ARID4B: variants seen among roughly 807,000 people sequenced by gnomAD.
ARID4B encodes AT-rich interactive domain-containing protein 4B.
Under a neutral mutation model 147.5 loss-of-function variants are expected in ARID4B, and 26 were observed. The ratio of observed to expected loss-of-function variants is 0.18; its 90% CI spans 0.13 to 0.24. The LOEUF is 0.24. Among genes scored for constraint, ARID4B ranks in the 10% least tolerant of loss-of-function variants. The probability of loss-of-function intolerance (pLI) is 1.00; values close to 1 mark genes in which losing one functional copy is unlikely to be tolerated. For synonymous variants in ARID4B, 512 were observed against 507.9 expected (o/e 1.01, Z -0.11); for missense variants, 1,179 against 1,511.5 (o/e 0.78, Z 3.65).
chr1:235,239,263 C>A (rs2103069435), intron 8 of ARID4B, among the ~76,000 whole-genome samples: 1 of 152,226 alleles, frequency 6.6e-6, no homozygotes, highest in South Asian at 2.1e-4. Flanking sequence ...TGAGCCACCA[C>A]ACCCCAGCCA....
At chr1:235,307,975 A>G (rs1673698159) in intron 2 of ARID4B, among the ~76,000 whole-genome samples, 1 of 151,924 alleles carries the variant, frequency 6.6e-6, no homozygotes, top group South Asian at 2.1e-4. Context: ...AATTACAGGC[A>G]CAAGCCACCT....
chr1:235,227,034 C>T (rs952729429), intron 11 of ARID4B, among the ~76,000 whole-genome samples: 3 of 152,106 alleles, frequency 2.0e-5, no homozygotes, highest in African/African-American at 4.8e-5. Flanking sequence ...GGTGATGGTT[C>T]ACAGGTTTCT....
chr1:235,212,005 C>A (rs369788483), intron 17 of ARID4B, among the ~76,000 whole-genome samples: 61 of 152,240 alleles, frequency 4.0e-4, no homozygotes, highest in African/African-American at 1.4e-3. Flanking sequence ...CACCCGTAAT[C>A]CCAGCACTTT....
At chr1:235,292,531 G>A (rs942598272) in intron 2 of ARID4B, among the ~76,000 whole-genome samples, 68 of 151,512 alleles carry the variant, frequency 4.5e-4, no homozygotes, top group African/African-American at 1.6e-3. Flanking sequence ...CAGGAGGAAC[G>A]CTTGAACCCG....
At chr1:235,301,420 T>A (rs1673130722) in intron 2 of ARID4B, among the ~76,000 whole-genome samples, 1 of 151,612 alleles carries the variant, frequency 6.6e-6, no homozygotes, top group East Asian at 2.0e-4. Flanking sequence ...ACACTTGTAG[T>A]CCTAATTACT....
At chr1:235,192,724 T>G (rs1485202035) in intron 19 of ARID4B, among the ~76,000 whole-genome samples, 1 of 152,226 alleles carries the variant, frequency 6.6e-6, no homozygotes, top group Non-Finnish European at 1.5e-5. Context: ...GCCAGTCAGA[T>G]TTAATAAATC....
chr1:235,240,395 T>G lies in ARID4B; in HGVS notation c.503A>C (p.Gln168Pro). The G allele has an allele frequency of 6.2e-7, 1 of 1,613,418 alleles. No homozygotes were observed. Among genetic ancestry groups the G allele is most frequent in the Non-Finnish European group, 8.5e-7 (1 of 1,179,614 alleles). ...SSDEDEDDRKQIDELLGKVVC... is the reference protein window; with the variant it reads ...SSDEDEDDRKPIDELLGKVVC... ...AACTTTGCCTAGTAGCTCATCAATC[T>G]GTTTCCTATCATCCTCATCTTCATC... is the stretch of plus-strand genomic sequence containing the variant. The change falls in exon 8 of 24, where the codon CAG (glutamine) becomes CCG (proline). Residue 168 changes from glutamine to proline, a missense_variant. By Grantham distance (76) the Gln-to-Pro change is moderately conservative. Around this residue, in one of 10 missense-constraint regions of ARID4B, gnomAD observed 159 missense variants for 190.5 expected, o/e 0.83. Coordinates refer to ENST00000264183, the MANE Select transcript of ARID4B (RefSeq NM_016374.6).
rs117688437 is a variant in ARID4B, at chr1:235,245,091, A to G, written c.446+1329T>C. ...AGCAGGTCTTCATTCCTACACTAGT[A>G]ATCTTCAACCTTTTGTCTGCATTCA... On this transcript the variant is annotated intron_variant, in intron 7 of 23. Coordinates refer to ENST00000264183, the MANE Select transcript of ARID4B (RefSeq NM_016374.6). 5.0e-3 allele frequency among the ~76,000 whole-genome samples: 764 copies of G among 152,328 alleles called. 32 individuals carry two copies. In the East Asian group the frequency reaches 0.11, roughly 22 times the overall value.
intron 2 of ARID4B, among the ~76,000 whole-genome samples, chr1:235,262,722 C>A (rs1306207848): frequency 6.6e-6 from 1 of 152,054 alleles, no homozygotes; most frequent in Non-Finnish European, 1.5e-5. Context: ...GTAATCCCAG[C>A]AATTTGGGAG....
intron 2 of ARID4B, among the ~76,000 whole-genome samples, chr1:235,273,909 T>C (rs1038440339): frequency 6.6e-6 from 1 of 152,202 alleles, no homozygotes; most frequent in Admixed American, 6.5e-5. Context: ...CCTCATGATG[T>C]AGGAACATAT....
intron 2 of ARID4B, among the ~76,000 whole-genome samples, chr1:235,278,601 G>C (rs982650039): frequency 6.6e-6 from 1 of 152,134 alleles, no homozygotes; most frequent in Non-Finnish European, 1.5e-5. Flanking sequence ...ACAAAAAATA[G>C]TGAACTGTTA....
intron 19 of ARID4B, among the ~76,000 whole-genome samples, chr1:235,193,801 T>C (rs752343780): frequency 2.0e-5 from 3 of 152,164 alleles, no homozygotes; most frequent in Non-Finnish European, 4.4e-5. Flanking sequence ...GCTTGTGGAA[T>C]GCAAATATTC....
At chr1:235,298,082 C>CA (rs1326134911) in intron 2 of ARID4B, among the ~76,000 whole-genome samples, 3 of 152,064 alleles carry the variant, frequency 2.0e-5, no homozygotes, top group Non-Finnish European at 2.9e-5. Context: ...TCAAGTGTGT[C>CA]AGAGATACAT....
intron 8 of ARID4B, among the ~76,000 whole-genome samples, chr1:235,238,855 CG>C (rs145141240): frequency 0.17 from 24,884 of 146,350 alleles, 2,951 homozygotes; most frequent in African/African-American, 0.34. Context: ...CCTCTGTCTC[CG>C]GGGAAAAAAA....
chr1:235,323,753 C>T (rs187205882), intron 2 of ARID4B, among the ~76,000 whole-genome samples: 11 of 151,390 alleles, frequency 7.3e-5, no homozygotes, highest in South Asian at 4.2e-4. Context: ...CACTGCACTC[C>T]GGCCTGGGCA....
At chr1:235,298,518 C>T (rs999660672) in intron 2 of ARID4B, among the ~76,000 whole-genome samples, 2 of 145,992 alleles carry the variant, frequency 1.4e-5, no homozygotes, top group African/African-American at 5.0e-5. Context: ...ATGAATATAA[C>T]GTATATTTAT....
chr1:235,264,856 C>T (rs960585358), intron 2 of ARID4B, among the ~76,000 whole-genome samples: 2 of 151,188 alleles, frequency 1.3e-5, no homozygotes, highest in Admixed American at 6.6e-5. Flanking sequence ...GTCAGGAGTT[C>T]GAGACAAGCC....
chr1:235,328,123 G>A lies in ARID4B; in HGVS notation c.-404C>T, dbSNP rs1463426975. ...GGCGGCGGCAAGATGAAGCTCAAGA[G>A]TCTCCCTCCGCTTCGGCGACCGAGC... On this transcript the variant is annotated 5_prime_UTR_variant, in exon 1 of 24. Transcript: ENST00000264183. 6.5e-6 allele frequency: 1 copy of A among 153,120 alleles called. No homozygotes were observed. Among genetic ancestry groups the A allele is most frequent in the Non-Finnish European group, 1.5e-5 (1 of 68,570 alleles). The allele number at this position is 153,120 out of a possible 1,614,324, so 9.5% of individuals were successfully genotyped here.
intron 17 of ARID4B, among the ~76,000 whole-genome samples, chr1:235,209,698 G>A (rs1225987273): frequency 6.6e-6 from 1 of 151,166 alleles, no homozygotes; most frequent in African/African-American, 2.4e-5. Context: ...CAAGTAGATC[G>A]GATTACAGGC....
Sources: allele counts gnomAD v4.1 joint callset (sites outside exome capture counted in the v4.1 genomes callset), GRCh38; gene constraint gnomAD v4.1.1; regional missense constraint gnomAD v4.1.1; transcripts MANE v1.5; gene names NCBI Gene and HGNC (gene_info 2026-07-23, HGNC 2026-07-21).